RBFOX1: variants seen among roughly 807,000 people sequenced by gnomAD.
RBFOX1 encodes RNA binding protein fox-1 homolog 1.
Under a neutral mutation model 57.7 loss-of-function variants are expected in RBFOX1, and 8 were observed. That is an observed-to-expected ratio of 0.14 (90% CI 0.08 to 0.25). The LOEUF (loss-of-function observed/expected upper bound fraction) is 0.25. Ranked by LOEUF, RBFOX1 falls within the 10% of genes least tolerant of loss-of-function variation. The pLI is 1.00. For missense variants in RBFOX1, 611 were observed against 548.5 expected, an observed-to-expected ratio of 1.11 and a Z score of -1.14; for synonymous variants, 326 against 222.4, an observed-to-expected ratio of 1.47 and a Z score of -4.15.
At chr16:6,409,507 G>T (rs775653472) in intron 2 of RBFOX1, among the ~76,000 whole-genome samples, 19 of 152,166 alleles carry the variant, frequency 1.2e-4, no homozygotes, top group Non-Finnish European at 2.8e-4. Context: ...ATGCCTTTGA[G>T]TGTTAATTAC....
At chr16:5,593,945 C>G (rs962610100) in intron 2 of RBFOX1, among the ~76,000 whole-genome samples, 2 of 152,124 alleles carry the variant, frequency 1.3e-5, no homozygotes, top group Admixed American at 1.3e-4. Flanking sequence ...CCTTGAAGGT[C>G]TCCGTGCTTC....
intron 2 of RBFOX1, among the ~76,000 whole-genome samples, chr16:6,398,028 A>T (rs9930831): frequency 1.3e-5 from 2 of 152,152 alleles, no homozygotes; most frequent in Non-Finnish European, 2.9e-5. Context: ...AACCATAAAC[A>T]TAAGTCCAAC....
chr16:7,044,977 G>A (rs990483706), intron 3 of RBFOX1, among the ~76,000 whole-genome samples: 10 of 152,168 alleles, frequency 6.6e-5, no homozygotes, highest in African/African-American at 2.2e-4. Flanking sequence ...TTGGGGTGCT[G>A]TTTGATGAGC....
Position 6,415,852 on chromosome 16 carries a change from A to G in RBFOX1, c.-64+98795A>G, listed in dbSNP as rs563494149. Reference sequence around the variant, plus strand: ...CTAACGTAGGGACTTCGAAGTCTCTATCGGTGTGAAAAATAAGAAACATTT... The same window carrying G: ...CTAACGTAGGGACTTCGAAGTCTCTGTCGGTGTGAAAAATAAGAAACATTT... On this transcript the variant is annotated intron_variant, in intron 2 of 15. Transcript: ENST00000550418. 1.6e-4 allele frequency among the ~76,000 whole-genome samples: 25 copies of G among 152,342 alleles called. No individual in the cohort carries two copies. In the East Asian group the frequency reaches 4.4e-3, roughly 27 times the overall value.
At chr16:6,138,900 T>C (rs922543795) in intron 1 of RBFOX1, among the ~76,000 whole-genome samples, 1 of 152,050 alleles carries the variant, frequency 6.6e-6, no homozygotes, top group African/African-American at 2.4e-5. Context: ...CAGCATCCAA[T>C]CACCTTCGCT....
intron 1 of RBFOX1, among the ~76,000 whole-genome samples, chr16:5,357,922 A>G (rs2065438045): frequency 6.6e-6 from 1 of 152,240 alleles, no homozygotes; most frequent in South Asian, 2.1e-4. Flanking sequence ...TAGGAATACT[A>G]ATAGTGAGTT....
intron 4 of RBFOX1, among the ~76,000 whole-genome samples, chr16:7,211,920 C>G (rs768038931): frequency 2.0e-5 from 3 of 152,154 alleles, no homozygotes; most frequent in East Asian, 1.9e-4. Context: ...CAGCTACCCA[C>G]AGGCGCCGTA....
intron 1 of RBFOX1, among the ~76,000 whole-genome samples, chr16:5,430,124 G>T (rs1049355442): frequency 1.3e-5 from 2 of 152,138 alleles, no homozygotes; most frequent in African/African-American, 4.8e-5. Flanking sequence ...CCATCAGCTG[G>T]GGGGATACAG....
chr16:7,487,178 G>A (rs891140270), intron 4 of RBFOX1, among the ~76,000 whole-genome samples: 12 of 152,246 alleles, frequency 7.9e-5, no homozygotes, highest in East Asian at 1.9e-4. Context: ...GGGATTACAC[G>A]TGTGAGCCAC....
In RBFOX1 at chr16:6,305,848, C is replaced by T. The variant is rs376091229; in HGVS notation, c.-126-11147C>T. ...TTCCAAGTTCAAAGCTCTTTCTTCACGTATGCACTTGCCTCTGAATATCAT... is the reference window on the plus strand; with the variant it reads ...TTCCAAGTTCAAAGCTCTTTCTTCATGTATGCACTTGCCTCTGAATATCAT... On this transcript the variant is annotated intron_variant, in intron 1 of 15. Coordinates refer to ENST00000550418, the MANE Select transcript of RBFOX1 (RefSeq NM_018723.4). Among the ~76,000 whole-genome samples the T allele has an allele frequency of 7.9e-5, 12 of 152,102 alleles. No homozygotes were observed. In the South Asian group the frequency reaches 1.5e-3, roughly 18 times the overall value.
chr16:6,303,345 T>A (rs539904254), intron 1 of RBFOX1, among the ~76,000 whole-genome samples: 5,264 of 127,158 alleles, frequency 0.041, 272 homozygotes, highest in African/African-American at 0.12. Flanking sequence ...TTTTTTTTTT[T>A]TTAAAAAATC....
chr16:5,834,911 G>C (rs572281288), intron 3 of RBFOX1, among the ~76,000 whole-genome samples: 1 of 152,284 alleles, frequency 6.6e-6, no homozygotes, highest in Non-Finnish European at 1.5e-5. Flanking sequence ...TCAGATCTCT[G>C]AGAAACCTGC....
At chr16:7,317,850 A>G (rs1420141337) in intron 4 of RBFOX1, among the ~76,000 whole-genome samples, 1 of 152,232 alleles carries the variant, frequency 6.6e-6, no homozygotes, top group African/African-American at 2.4e-5. Flanking sequence ...AAGACCACAA[A>G]GACATAGCAT....
Position 7,700,807 on chromosome 16 carries a change from GTTTCAGAATAGGAAGAGGT to G in RBFOX1, c.996-8226_996-8208del, listed in dbSNP as rs572111353. On this transcript the variant is annotated intron_variant, in intron 14 of 15. Coordinates refer to ENST00000550418, the MANE Select transcript of RBFOX1 (RefSeq NM_018723.4). ...TGCTTTCCCTCAAATCTGCTGTTGGGTTTCAGAATAGGAAGAGGTTTTCAGAATAGGAAGAGGTTTTGAA... is the reference window on the plus strand; with the variant it reads ...TGCTTTCCCTCAAATCTGCTGTTGGGTTTCAGAATAGGAAGAGGTTTTGAA... Among the ~76,000 whole-genome samples the G allele has an allele frequency of 2.4e-3, 371 of 152,236 alleles. 2 individuals carry two copies. The highest frequency in any genetic ancestry group is 0.017 in the Admixed American group (255 of 15,294).
chr16:6,914,865 G>A (rs2072709648), intron 3 of RBFOX1, among the ~76,000 whole-genome samples: 1 of 152,212 alleles, frequency 6.6e-6, no homozygotes, highest in African/African-American at 2.4e-5. Flanking sequence ...TCCAAGCTGG[G>A]CAACAGAGCA....
At chr16:7,304,221 AG>A (rs2096113839) in intron 4 of RBFOX1, 2 of 884,602 alleles carry the variant, frequency 2.3e-6, no homozygotes, top group South Asian at 5.9e-5. Context: ...AGACAGAGAG[AG>A]AGAGAGAGAG....
intron 2 of RBFOX1, among the ~76,000 whole-genome samples, chr16:5,530,376 G>T (rs2044418674): frequency 6.6e-6 from 1 of 152,080 alleles, no homozygotes; most frequent in Non-Finnish European, 1.5e-5. Context: ...ACAGAATCAG[G>T]GTTCAGAGAT....
intron 4 of RBFOX1, among the ~76,000 whole-genome samples, chr16:7,201,859 G>T (rs562720069): frequency 6.6e-6 from 1 of 152,334 alleles, no homozygotes; most frequent in East Asian, 1.9e-4. Flanking sequence ...ACTGTAGACT[G>T]TAGATCAGAG....
intron 1 of RBFOX1, among the ~76,000 whole-genome samples, chr16:5,326,113 T>C (rs931467041): frequency 6.6e-6 from 1 of 152,216 alleles, no homozygotes; most frequent in East Asian, 1.9e-4. Flanking sequence ...CACATCCTTG[T>C]CAGCACTTGG....
Sources: gnomAD v4.1 joint callset for allele counts (sites outside exome capture counted in the v4.1 genomes callset) on GRCh38, gnomAD v4.1.1 for gene constraint, MANE v1.5 for transcripts, NCBI Gene and HGNC (gene_info 2026-07-23, HGNC 2026-07-21) for gene names.